VWC2L: variants seen among roughly 807,000 people sequenced by gnomAD.
VWC2L encodes the protein von Willebrand factor C domain containing 2 like, also known as von Willebrand factor C domain-containing protein 2-like.
A neutral mutation model predicts 21.6 loss-of-function variants in VWC2L; 10 were observed. The ratio of observed to expected loss-of-function variants is 0.46; its 90% CI spans 0.29 to 0.78. The LOEUF (loss-of-function observed/expected upper bound fraction) is 0.78. Among genes scored for constraint, VWC2L ranks in the 30% least tolerant of loss-of-function variants. The pLI is 0.10. For missense variants in VWC2L, 209 were observed against 277.1 expected (o/e 0.75, Z 1.74); for synonymous variants, 96 against 94.3 (o/e 1.02, Z -0.10).
chr2:214,548,163 G>T (rs1291854812), intron 3 of VWC2L, among the ~76,000 whole-genome samples: 1 of 152,112 alleles, frequency 6.6e-6, no homozygotes, highest in African/African-American at 2.4e-5. Context: ...GAGGCTCTTT[G>T]CCAGTAGTAC....
chr2:214,449,998 G>C (rs186469117), intron 3 of VWC2L, among the ~76,000 whole-genome samples: 1 of 152,116 alleles, frequency 6.6e-6, no homozygotes, highest in African/African-American at 2.4e-5. Flanking sequence ...GCAGTGTTGC[G>C]TCCAAATTTT....
chr2:214,544,025 G>A (rs1689667249), intron 3 of VWC2L, among the ~76,000 whole-genome samples: 3 of 152,144 alleles, frequency 2.0e-5, no homozygotes, highest in South Asian at 2.1e-4. Flanking sequence ...GCAACCCTAT[G>A]GGGACAAAAA....
At chr2:214,423,743 T>C (rs1702476911) in intron 2 of VWC2L, among the ~76,000 whole-genome samples, 1 of 152,088 alleles carries the variant, frequency 6.6e-6, no homozygotes, top group South Asian at 2.1e-4. Context: ...AGAAAAATTA[T>C]GTAATTAAAC....
At chr2:214,575,094 A>G (rs1292444250) in intron 3 of VWC2L, among the ~76,000 whole-genome samples, 4 of 151,948 alleles carry the variant, frequency 2.6e-5, no homozygotes, top group African/African-American at 9.7e-5. Context: ...TATAAAAATC[A>G]AATGAACCTC....
chr2:214,478,433 C>T (rs1375579271), intron 3 of VWC2L, among the ~76,000 whole-genome samples: 2 of 150,874 alleles, frequency 1.3e-5, no homozygotes, highest in African/African-American at 2.4e-5. Context: ...GAGCGGAGAT[C>T]GCGCCACTGC....
At chr2:214,503,937 G>A (rs1435128325) in intron 3 of VWC2L, among the ~76,000 whole-genome samples, 1 of 151,870 alleles carries the variant, frequency 6.6e-6, no homozygotes, top group African/African-American at 2.4e-5. Flanking sequence ...TTCCATCTGT[G>A]GATAGATTAT....
At chr2:214,437,574 A>G (rs1280955300) in intron 3 of VWC2L, among the ~76,000 whole-genome samples, 6 of 152,160 alleles carry the variant, frequency 3.9e-5, no homozygotes, top group African/African-American at 9.6e-5. Context: ...TCTGTCATTA[A>G]TATCTGCTGG....
At chr2:214,472,554 T>A (rs534294389) in intron 3 of VWC2L, among the ~76,000 whole-genome samples, 46 of 152,272 alleles carry the variant, frequency 3.0e-4, no homozygotes, top group African/African-American at 1.1e-3. Flanking sequence ...TTCTGAATGT[T>A]CAACTCATAC....
intron 2 of VWC2L, among the ~76,000 whole-genome samples, chr2:214,431,220 T>C (rs1702597637): frequency 6.6e-6 from 1 of 152,230 alleles, no homozygotes; most frequent in African/African-American, 2.4e-5. Flanking sequence ...TCAGCAACTT[T>C]GAAATAGAGT....
chr2:214,575,945 T>C lies in VWC2L; in HGVS notation c.*125T>C. 1 of 1,130,858 alleles carries C rather than the reference T, an allele frequency of 8.8e-7. No individual in the cohort carries two copies. Among genetic ancestry groups the C allele is most frequent in the Non-Finnish European group, 1.2e-6 (1 of 807,780 alleles). The allele number at this position is 1,130,858 out of a possible 1,614,324, so 70.1% of individuals were successfully genotyped here. ...TACAACAGGGTCACCAGCAAAACTTTCTAGGGTTGACAAAAGTGAATATTT... is the reference window on the plus strand; with the variant it reads ...TACAACAGGGTCACCAGCAAAACTTCCTAGGGTTGACAAAAGTGAATATTT... On this transcript the variant is annotated 3_prime_UTR_variant, in exon 4 of 4. Coordinates refer to ENST00000312504, the MANE Select transcript of VWC2L (RefSeq NM_001080500.4).
intron 3 of VWC2L, among the ~76,000 whole-genome samples, chr2:214,539,553 C>T (rs1277049023): frequency 2.6e-5 from 4 of 152,112 alleles, no homozygotes; most frequent in Non-Finnish European, 5.9e-5. Context: ...CTAAAATTTC[C>T]GTACTTATCC....
At chr2:214,438,030 AG>A (rs1331526328) in intron 3 of VWC2L, among the ~76,000 whole-genome samples, 1 of 152,068 alleles carries the variant, frequency 6.6e-6, no homozygotes, top group Non-Finnish European at 1.5e-5. Context: ...CTTAGCAGAA[AG>A]AAATAACGCT....
chr2:214,575,626 A>G (rs547895759), intron 3 of VWC2L, 46 bp from the exon 4 acceptor site: 19 of 1,600,212 alleles, frequency 1.2e-5, no homozygotes, highest in Admixed American at 1.7e-5. Context: ...GGAGAAAGGG[A>G]GCCTCTCAGA....
At chr2:214,544,583 G>C (rs919769473) in intron 3 of VWC2L, among the ~76,000 whole-genome samples, 2 of 152,112 alleles carry the variant, frequency 1.3e-5, no homozygotes, top group African/African-American at 4.8e-5. Context: ...AGGATGGAGA[G>C]TCTCCAGCCA....
chr2:214,418,641 T>A (rs1431875323), intron 2 of VWC2L, among the ~76,000 whole-genome samples: 2 of 152,212 alleles, frequency 1.3e-5, no homozygotes, highest in African/African-American at 4.8e-5. Context: ...GTGAGCTATG[T>A]AACAGTCATT....
At chr2:214,502,877 T>A (rs1263804910) in intron 3 of VWC2L, among the ~76,000 whole-genome samples, 2 of 152,198 alleles carry the variant, frequency 1.3e-5, no homozygotes. Context: ...CTTCCCCAGA[T>A]GGGCAACACC....
chr2:214,563,451 G>A (rs1488900175), intron 3 of VWC2L, among the ~76,000 whole-genome samples: 2 of 150,540 alleles, frequency 1.3e-5, no homozygotes, highest in African/African-American at 4.9e-5. Context: ...GGAGGCTGAG[G>A]CAGGAGAATG....
chr2:214,558,347 C>T (rs116117456), intron 3 of VWC2L, among the ~76,000 whole-genome samples: 1 of 152,150 alleles, frequency 6.6e-6, no homozygotes, highest in Non-Finnish European at 1.5e-5. Flanking sequence ...GGTTCCACCT[C>T]TCTATGCCCA....
intron 3 of VWC2L, among the ~76,000 whole-genome samples, chr2:214,556,143 C>T (rs1261669157): frequency 1.3e-5 from 2 of 151,948 alleles, no homozygotes; most frequent in East Asian, 1.9e-4. Context: ...GCCTGTAATC[C>T]CAGCTACTCA....
Sources: allele counts gnomAD v4.1 joint callset (sites outside exome capture counted in the v4.1 genomes callset), GRCh38; gene constraint gnomAD v4.1.1; transcripts MANE v1.5; gene names NCBI Gene and HGNC (gene_info 2026-07-23, HGNC 2026-07-21).